Variants in CD8B2 observed in about 807,000 individuals in gnomAD.
CD8B2 encodes T-cell surface glycoprotein CD8 beta-2 chain.
In CD8B2, 11 loss-of-function variants were observed where a neutral mutation model predicts 23.7. The ratio of observed to expected loss-of-function variants is 0.46; its 90% CI spans 0.29 to 0.77. The LOEUF (loss-of-function observed/expected upper bound fraction) is 0.77, where lower values mean the gene tolerates loss of function less well. Ranked by LOEUF, CD8B2 falls within the 30% of genes least tolerant of loss-of-function variation. The probability of loss-of-function intolerance (pLI) is 0.09; values close to 1 mark genes in which losing one functional copy is unlikely to be tolerated. For missense variants in CD8B2, 197 were observed against 270.5 expected (o/e 0.73, Z 1.91); for synonymous variants, 90 against 109.3 (o/e 0.82, Z 1.10).
At chr2:106,502,422 T>A in intron 3 of CD8B2, 52 bp from the exon 4 acceptor site, 1 of 1,102,030 alleles carries the variant, frequency 9.1e-7, no homozygotes, top group Non-Finnish European at 1.3e-6. Context: ...TCTGCGTGTC[T>A]CACGCAGAAA....
downstream of CD8B2, among the ~76,000 whole-genome samples, chr2:106,515,482 T>C (rs909465128): frequency 3.9e-5 from 6 of 152,204 alleles, no homozygotes; most frequent in African/African-American, 1.4e-4. Flanking sequence ...ATTAGTGCCC[T>C]TAGAGGAAGA....
At chr2:106,526,108 G>A (rs1033295671) in intron 5 of CD8B2, among the ~76,000 whole-genome samples, 4 of 152,028 alleles carry the variant, frequency 2.6e-5, no homozygotes, top group African/African-American at 7.2e-5. Flanking sequence ...CACGTGTGGC[G>A]GCATGCATCC....
At position 106,494,895 on chromosome 2, in the gene CD8B2, G is replaced by C. The variant is rs796156005; in HGVS notation, c.404-1278G>C. ...CTCTGATATTATATATATATTTTAG[G>C]GCCATCTGAGAAGGAAAACCAATCC... On this transcript the variant is annotated intron_variant, in intron 2 of 5. Transcript: ENST00000643224. Among the ~76,000 whole-genome samples, 9 of 152,180 alleles carry C rather than the reference G, an allele frequency of 5.9e-5. No homozygotes were observed. The East Asian group carries it at 1.4e-3, about 23-fold the overall frequency.
At chr2:106,500,556 A>AAT (rs1553466755) in intron 3 of CD8B2, among the ~76,000 whole-genome samples, 26 of 104,612 alleles carry the variant, frequency 2.5e-4, no homozygotes, top group Admixed American at 5.6e-4. Flanking sequence ...AAATAAATAA[A>AAT]TAAATAATTA....
rs571967589 is a variant in CD8B2 at position 106,489,968 on chromosome 2, T to C, written c.44-906T>C. On this transcript the variant is annotated intron_variant, in intron 1 of 5. Coordinates refer to ENST00000643224, the MANE Select transcript of CD8B2 (RefSeq NM_001349727.2). ...CATGAATAAGCCCCTGCTTGCCGGG[T>C]GCTTCTCGTCAGAGTCTAAGATGAA... is the stretch of plus-strand genomic sequence containing the variant. 5.3e-5 allele frequency among the ~76,000 whole-genome samples: 8 copies of C among 152,126 alleles called. No homozygotes were observed. In the South Asian group the frequency reaches 1.5e-3, roughly 28 times the overall value.
At chr2:106,503,855 G>A (rs1679457961) in intron 4 of CD8B2, among the ~76,000 whole-genome samples, 1 of 152,220 alleles carries the variant, frequency 6.6e-6, no homozygotes, top group South Asian at 2.1e-4. Context: ...ACTCCCAGTG[G>A]GAAATCTCGC....
chr2:106,533,293 C>G (rs912534412), intron 5 of CD8B2, among the ~76,000 whole-genome samples: 1 of 152,186 alleles, frequency 6.6e-6, no homozygotes, highest in Admixed American at 6.5e-5. Flanking sequence ...AAATTCCAAA[C>G]ATCTTTAAAG....
chr2:106,511,936 CACTT>C (rs1245623325), downstream of CD8B2, among the ~76,000 whole-genome samples: 4 of 152,260 alleles, frequency 2.6e-5, no homozygotes, highest in Admixed American at 6.5e-5. Context: ...CTGAAAAAGA[CACTT>C]ACATCCTCCA....
chr2:106,490,753 A>G lies in CD8B2; in HGVS notation c.44-121A>G, dbSNP rs1363722307. ...CAGCTGTGCTCAACACACTCCCTGG[A>G]CCCAGTAACTGGGCAGGTTCTTCCA... On this transcript the variant is annotated intron_variant, in intron 1 of 5. Coordinates refer to ENST00000643224, the MANE Select transcript of CD8B2 (RefSeq NM_001349727.2). The G allele has an allele frequency of 3.3e-6, 5 of 1,504,738 alleles. No individual in the cohort carries two copies. The African/African-American group carries it at 7.0e-5, about 21-fold the overall frequency. The allele number at this position is 1,504,738 out of a possible 1,614,324, so 93.2% of individuals were successfully genotyped here.
At chr2:106,532,102 C>G (rs887158503) in intron 5 of CD8B2, among the ~76,000 whole-genome samples, 4 of 152,232 alleles carry the variant, frequency 2.6e-5, no homozygotes, top group Admixed American at 1.3e-4. Flanking sequence ...TTTGTTCCAG[C>G]ACAGTTAGCT....
intron 5 of CD8B2, among the ~76,000 whole-genome samples, chr2:106,505,579 AC>A (rs944507531): frequency 1.3e-5 from 2 of 152,242 alleles, no homozygotes; most frequent in African/African-American, 4.8e-5. Flanking sequence ...AAGTGCAGCA[AC>A]GGACAAACAA....
intron 5 of CD8B2, among the ~76,000 whole-genome samples, chr2:106,542,186 C>T (rs115597644): frequency 2.0e-5 from 3 of 152,374 alleles, no homozygotes; most frequent in Admixed American, 6.5e-5. Context: ...GTAGAGTTCA[C>T]GGTCTCCGTC....
chr2:106,499,399 G>T (rs1174118324), intron 3 of CD8B2, among the ~76,000 whole-genome samples: 1 of 151,972 alleles, frequency 6.6e-6, no homozygotes, highest in East Asian at 1.9e-4. Context: ...GGGCATTGTG[G>T]TGGGCACCTG....
At chr2:106,543,898 T>G in intron 5 of CD8B2, 2 of 398,004 alleles carry the variant, frequency 5.0e-6, no homozygotes, top group East Asian at 7.1e-5. Context: ...GGATTTGTGC[T>G]TATACACTGA....
Position 106,510,763 on chromosome 2 carries a change from G to T in CD8B2, c.*3823G>T, listed in dbSNP as rs774843398. On this transcript the variant is annotated 3_prime_UTR_variant, in exon 6 of 6. Transcript: ENST00000643224. ...AAATTTTTTCTAAAAAAAGTTTCTTGTTTTTTTTTCTTCCCATATTTTTTA... is the reference window on the plus strand; with the variant it reads ...AAATTTTTTCTAAAAAAAGTTTCTTTTTTTTTTTTCTTCCCATATTTTTTA... 1 of 150,534 alleles carries T rather than the reference G, an allele frequency of 6.6e-6. No individual in the cohort carries two copies. Among genetic ancestry groups the T allele is most frequent in the Admixed American group, 6.6e-5 (1 of 15,064 alleles). The allele number at this position is 150,534 out of a possible 1,614,324, so 9.3% of individuals were successfully genotyped here.
At chr2:106,517,458 G>A (rs977940007) in intron 5 of CD8B2, among the ~76,000 whole-genome samples, 2 of 151,856 alleles carry the variant, frequency 1.3e-5, no homozygotes, top group African/African-American at 2.4e-5. Context: ...AGACGTCTCC[G>A]CTGACTCTCG....
intron 5 of CD8B2, among the ~76,000 whole-genome samples, chr2:106,538,610 T>C (rs1407898342): frequency 6.6e-6 from 1 of 152,126 alleles, no homozygotes; most frequent in African/African-American, 2.4e-5. Flanking sequence ...TGAGTAGGAA[T>C]TCCTGTCTGT....
At chr2:106,531,693 T>C (rs1037081660) in intron 5 of CD8B2, among the ~76,000 whole-genome samples, 2 of 152,176 alleles carry the variant, frequency 1.3e-5, no homozygotes, top group Non-Finnish European at 2.9e-5. Flanking sequence ...CTGGCTCTTC[T>C]CTTCAGTGCG....
chr2:106,523,396 G>T (rs191674514), intron 5 of CD8B2, among the ~76,000 whole-genome samples: 11 of 152,324 alleles, frequency 7.2e-5, no homozygotes, highest in Admixed American at 6.5e-4. Flanking sequence ...AGCAGGGGGG[G>T]TCAACTACTG....
Sources: allele counts gnomAD v4.1 joint callset (sites outside exome capture counted in the v4.1 genomes callset), GRCh38; gene constraint gnomAD v4.1.1; transcripts MANE v1.5; gene names NCBI Gene and HGNC (gene_info 2026-07-23, HGNC 2026-07-21).